Variants in RFC5 observed in about 807,000 individuals in gnomAD.
RFC5 encodes replication factor C subunit 5.
RFC5 carries 26 observed loss-of-function variants against 44.3 expected under a neutral mutation model. That is an observed-to-expected ratio of 0.59 (90% CI 0.43 to 0.81). The LOEUF is 0.81. RFC5 is among the 40% of genes least tolerant of loss of function. The probability of loss-of-function intolerance (pLI) is 0.00; values close to 1 mark genes in which losing one functional copy is unlikely to be tolerated. For synonymous variants in RFC5, 155 were observed against 155.2 expected (o/e 1.00, Z 0.01); for missense variants, 328 against 418.6 (o/e 0.78, Z 1.89).
intron 1 of RFC5, chr12:118,017,670 T>C: frequency 9.7e-7 from 1 of 1,026,080 alleles, no homozygotes; most frequent in Non-Finnish European, 1.3e-6. Context: ...TTTATGTATT[T>C]ACGTATTTTT....
intron 1 of RFC5, chr12:118,017,937 C>A: frequency 1.5e-6 from 1 of 681,452 alleles, no homozygotes; most frequent in Non-Finnish European, 2.7e-6. Flanking sequence ...AATTTCATCA[C>A]CCCAAATGGA....
chr12:118,031,239 A>C lies in RFC5; in HGVS notation c.984A>C (p.Ala328=). 6.2e-7 allele frequency: 1 copy of C among 1,613,936 alleles called. No individual in the cohort carries two copies. The highest frequency in any genetic ancestry group is 1.3e-5 in the African/African-American group (1 of 74,998). ...TCCAGCTGAGCTCCCTCATTGCTGC[A>C]TTTCAAGTCACCAGAGACCTGATTG... The part of the protein sequence containing the change: ...EKIQLSSLIA[A]FQVTRDLIVA... The change falls in exon 11 of 11, where the codon GCA becomes GCC. Residue 328 remains alanine, a synonymous_variant. Coordinates refer to ENST00000454402, the MANE Select transcript of RFC5 (RefSeq NM_007370.7).
chr12:118,038,296 C>G, the RFC5 span: 1 of 1,613,362 alleles, frequency 6.2e-7, no homozygotes, highest in Non-Finnish European at 8.5e-7. Flanking sequence ...ACCGACTTCT[C>G]TCCAGCTGCA....
intron 4 of RFC5, 69 bp from the exon 5 acceptor site, chr12:118,022,217 T>C: frequency 8.0e-7 from 1 of 1,246,132 alleles, no homozygotes; most frequent in East Asian, 2.3e-5. Flanking sequence ...AATGGGAAGA[T>C]ATAGGTTTGA....
chr12:118,035,062 T>A (rs117882038), downstream of RFC5: 12,249 of 1,613,524 alleles, frequency 7.6e-3, 63 homozygotes, highest in Non-Finnish European at 9.6e-3. Context: ...GCAATGGGAG[T>A]TTTCAGTTCC....
chr12:118,033,811 C>T (rs1470775380), downstream of RFC5: 2 of 232,354 alleles, frequency 8.6e-6, no homozygotes, highest in Admixed American at 5.0e-5. Context: ...CCATCGTTCC[C>T]AGCGGAGGGA....
intron 5 of RFC5, among the ~76,000 whole-genome samples, chr12:118,024,206 T>G (rs914414320): frequency 8.6e-5 from 13 of 151,672 alleles, no homozygotes; most frequent in African/African-American, 2.9e-4. Context: ...CCGGGCGTGG[T>G]GGCACGTGTC....
At chr12:118,031,119 C>A in intron 10 of RFC5, 63 bp from the exon 11 acceptor site, 3 of 1,143,782 alleles carry the variant, frequency 2.6e-6, no homozygotes, top group South Asian at 1.3e-5. Flanking sequence ...ATCTCTTGGT[C>A]CCTTAAGAAA....
downstream of RFC5, chr12:118,033,473 C>T (rs574392133): frequency 2.0e-5 from 3 of 151,434 alleles, no homozygotes; most frequent in East Asian, 5.8e-4. Flanking sequence ...TCTGAATAGT[C>T]ATGCGGTTTA....
chr12:118,038,759 C>T, the RFC5 span, among the ~76,000 whole-genome samples: 23 of 152,274 alleles, frequency 1.5e-4, no homozygotes, highest in African/African-American at 5.5e-4. Flanking sequence ...CAGCTCACTG[C>T]AACCTCTGCC....
downstream of RFC5, chr12:118,034,178 CACAAG>C: frequency 6.2e-7 from 1 of 1,613,904 alleles, no homozygotes; most frequent in Non-Finnish European, 8.5e-7. Context: ...TACAAAGAAG[CACAAG>C]ATGTGGTGTT....
At chr12:118,017,253 A>G (rs1430977408) in intron 1 of RFC5, among the ~76,000 whole-genome samples, 1 of 152,178 alleles carries the variant, frequency 6.6e-6, no homozygotes, top group East Asian at 1.9e-4. Flanking sequence ...CGATGCGACT[A>G]TTGGTCACAT....
chr12:118,021,208 T>G (rs1458677954), intron 4 of RFC5, among the ~76,000 whole-genome samples: 4 of 148,854 alleles, frequency 2.7e-5, no homozygotes, highest in East Asian at 2.0e-4. Flanking sequence ...AGCAAGTTTG[T>G]TTTTTTTTTC....
Position 118,018,054 on chromosome 12 carries a change from G to A in RFC5, c.66-1018G>A, listed in dbSNP as rs989611577. 5.7e-6 allele frequency: 4 copies of A among 701,196 alleles called. No homozygotes were observed. The Admixed American group carries it at 8.0e-5, about 14-fold the overall frequency. 43.4% of individuals were successfully genotyped at this position (701,196 alleles called of 1,614,324 possible). On this transcript the variant is annotated intron_variant, in intron 1 of 10. Coordinates refer to ENST00000454402, the MANE Select transcript of RFC5 (RefSeq NM_007370.7). ...GATTTGCCTATTCTGGACATTTCAT[G>A]TAAGTGGAATCCTACACTATGTGGC...
chr12:118,038,445 AGAACGGGAGAACTGGG>A, the RFC5 span: 11 of 1,530,330 alleles, frequency 7.2e-6, no homozygotes, highest in Non-Finnish European at 9.9e-6. Flanking sequence ...GGAAGACTGG[AGAACGGGAGAACTGGG>A]GTGGTAACAG....
chr12:118,024,083 G>A (rs575577641), intron 5 of RFC5, among the ~76,000 whole-genome samples: 1 of 152,096 alleles, frequency 6.6e-6, no homozygotes, highest in East Asian at 1.9e-4. Context: ...TGGCACAGTG[G>A]CTCATGCCTG....
downstream of RFC5, chr12:118,038,007 C>A: frequency 3.4e-6 from 1 of 290,002 alleles, no homozygotes; most frequent in Admixed American, 4.8e-5. Flanking sequence ...AAATCTTAGA[C>A]TCCAAGAAGA....
chr12:118,036,522 A>T, downstream of RFC5: 1 of 1,605,398 alleles, frequency 6.2e-7, no homozygotes. Context: ...TGTGGAAAGT[A>T]AGAAGTGCCT....
intron 8 of RFC5, 125 bp downstream of exon 8, chr12:118,027,143 T>C (rs2031004422): frequency 2.1e-6 from 2 of 946,954 alleles, no homozygotes; most frequent in South Asian, 1.5e-5. Flanking sequence ...GGTCAGCTTG[T>C]TGTGGGAGTG....
Sources: allele counts gnomAD v4.1 joint callset (sites outside exome capture counted in the v4.1 genomes callset), GRCh38; gene constraint gnomAD v4.1.1; transcripts MANE v1.5; gene names NCBI Gene and HGNC (gene_info 2026-07-23, HGNC 2026-07-21).